The following SCARA5 variants were observed in gnomAD, a reference collection of about 807,000 sequenced individuals.
The protein encoded by SCARA5 is scavenger receptor class A member 5.
SCARA5 carries 45 observed loss-of-function variants against 46.3 expected under a neutral mutation model. The observed-to-expected ratio is 0.97, with a 90% CI of 0.76 to 1.24. SCARA5 has a LOEUF of 1.24. SCARA5 is among the 50% of genes most tolerant of loss of function. The probability of loss-of-function intolerance (pLI) is 0.00; values close to 1 mark genes in which losing one functional copy is unlikely to be tolerated. For synonymous variants in SCARA5, 333 were observed against 306.5 expected (o/e 1.09, Z -0.90); for missense variants, 680 against 689.0 (o/e 0.99, Z 0.15).
At position 27,939,015 on chromosome 8, in the gene SCARA5, T is replaced by C. The variant is rs137876052; in HGVS notation, c.242-16770A>G. On this transcript the variant is annotated intron_variant, in intron 3 of 8. Transcript: ENST00000354914. ...GCCTGATTAACGGTGGAGGGGGCTT[T>C]CATTCATTCAGCACCTACTGATTGT... Among the ~76,000 whole-genome samples, 7 of 152,304 alleles carry C rather than the reference T, an allele frequency of 4.6e-5. No individual in the cohort carries two copies. In the East Asian group the frequency reaches 1.3e-3, roughly 29 times the overall value.
intron 3 of SCARA5, among the ~76,000 whole-genome samples, chr8:27,934,904 T>C (rs1214865423): frequency 6.6e-6 from 1 of 152,246 alleles, no homozygotes; most frequent in Non-Finnish European, 1.5e-5. Context: ...AGGGCCCAGT[T>C]TGGGCCATCT....
intron 3 of SCARA5, among the ~76,000 whole-genome samples, chr8:27,939,883 A>G (rs78176335): frequency 0.026 from 3,921 of 152,214 alleles, 168 homozygotes; most frequent in African/African-American, 0.089. Flanking sequence ...GCCCCAGACT[A>G]TCTGCCTCTT....
chr8:27,960,809 G>GAGAT (rs1808282278), intron 3 of SCARA5, among the ~76,000 whole-genome samples: 1 of 7,250 alleles, frequency 1.4e-4, no homozygotes, highest in African/African-American at 2.4e-4. Context: ...CATGAATTAT[G>GAGAT]AAATAAATGA....
In SCARA5 at chr8:27,907,040, C is replaced by T. The variant is rs181012275; in HGVS notation, c.1096+108G>A. The T allele has an allele frequency of 2.5e-5, 18 of 716,908 alleles. No homozygotes were observed. The Admixed American group carries it at 2.6e-4, about 10-fold the overall frequency. 44.4% of individuals were successfully genotyped at this position (716,908 alleles called of 1,614,324 possible). A position where few individuals can be genotyped will look rare whatever the true frequency, so the allele number is the denominator to read the frequency against. On this transcript the variant is annotated intron_variant, in intron 6 of 8. Coordinates refer to ENST00000354914, the MANE Select transcript of SCARA5 (RefSeq NM_173833.6). ...TGAAGAGACTTGTACAAGGTTGCCC[C>T]GCTGGTCCGTGGCACAGTGAAGATA...
chr8:27,876,285 G>C (rs924962101), intron 8 of SCARA5, among the ~76,000 whole-genome samples: 1 of 152,234 alleles, frequency 6.6e-6, no homozygotes, highest in African/African-American at 2.4e-5. Flanking sequence ...GCAAGTGGCA[G>C]ATCCGGGATT....
At chr8:27,882,196 T>A (rs1253647689) in intron 7 of SCARA5, among the ~76,000 whole-genome samples, 1 of 152,222 alleles carries the variant, frequency 6.6e-6, no homozygotes, top group African/African-American at 2.4e-5. Flanking sequence ...CATGTAAGGT[T>A]GCTTCATGTC....
At chr8:27,904,363 A>C in intron 7 of SCARA5, 1 of 295,586 alleles carries the variant, frequency 3.4e-6, no homozygotes, top group Non-Finnish European at 6.3e-6. Context: ...ACAAACAGGT[A>C]CTGAGTCCTC....
intron 3 of SCARA5, among the ~76,000 whole-genome samples, chr8:27,961,930 T>C (rs1211777901): frequency 6.6e-6 from 1 of 152,186 alleles, no homozygotes; most frequent in Non-Finnish European, 1.5e-5. Flanking sequence ...CATTCACATA[T>C]TAAAAACATC....
chr8:27,953,900 G>A (rs1808169494), intron 3 of SCARA5, among the ~76,000 whole-genome samples: 1 of 152,262 alleles, frequency 6.6e-6, no homozygotes, highest in African/African-American at 2.4e-5. Context: ...GAGCCCAGTG[G>A]GGCTCCAGAA....
chr8:27,978,972 C>T (rs1278336072), intron 2 of SCARA5, among the ~76,000 whole-genome samples: 3 of 152,146 alleles, frequency 2.0e-5, no homozygotes, highest in African/African-American at 7.2e-5. Context: ...TAACACACTC[C>T]CACTCCTCAC....
chr8:27,980,311 C>T (rs1200618541), intron 2 of SCARA5, among the ~76,000 whole-genome samples: 1 of 152,158 alleles, frequency 6.6e-6, no homozygotes, highest in Non-Finnish European at 1.5e-5. Context: ...GGAATAACTG[C>T]CCTGGCCACT....
intron 7 of SCARA5, among the ~76,000 whole-genome samples, chr8:27,902,738 A>T (rs1051472948): frequency 6.6e-6 from 1 of 152,166 alleles, no homozygotes; most frequent in Non-Finnish European, 1.5e-5. Context: ...GAGCAGGGAA[A>T]AACAGCACCC....
chr8:27,973,052 A>G (rs968697751), intron 2 of SCARA5, among the ~76,000 whole-genome samples: 2 of 152,246 alleles, frequency 1.3e-5, no homozygotes, highest in Non-Finnish European at 2.9e-5. Flanking sequence ...GCCAGTGAAC[A>G]GCAAAGCAAA....
chr8:27,965,331 C>T (rs1228243042), intron 3 of SCARA5, among the ~76,000 whole-genome samples: 1 of 152,228 alleles, frequency 6.6e-6, no homozygotes, highest in African/African-American at 2.4e-5. Context: ...AGATTCCTGC[C>T]CTGGGCTTCA....
chr8:27,956,306 A>T (rs1808205448), intron 3 of SCARA5, among the ~76,000 whole-genome samples: 1 of 152,168 alleles, frequency 6.6e-6, no homozygotes, highest in Non-Finnish European at 1.5e-5. Flanking sequence ...AATAATATAT[A>T]TGCATATATA....
chr8:27,987,659 G>A, intron 1 of SCARA5, 29 bp from the exon 2 acceptor site: 2 of 1,309,210 alleles, frequency 1.5e-6, no homozygotes, highest in East Asian at 2.3e-5. Flanking sequence ...GGGAGGAGAG[G>A]GAGGACGAAG....
chr8:27,942,783 C>T (rs780217419), intron 3 of SCARA5, among the ~76,000 whole-genome samples: 2 of 152,170 alleles, frequency 1.3e-5, no homozygotes, highest in Admixed American at 1.3e-4. Flanking sequence ...TTGCTGCTAT[C>T]TCAAAGCATC....
chr8:27,893,523 C>T (rs1807018248), intron 7 of SCARA5, among the ~76,000 whole-genome samples: 1 of 151,232 alleles, frequency 6.6e-6, no homozygotes, highest in Admixed American at 6.6e-5. Context: ...GCCCCTGAAC[C>T]CTGGAGCTGG....
rs2129727863 is a variant in SCARA5 at position 27,898,785 on chromosome 8, G to A, written c.1153+5993C>T. 2.0e-5 allele frequency among the ~76,000 whole-genome samples: 3 copies of A among 152,318 alleles called. No individual in the cohort carries two copies. The South Asian group carries it at 6.2e-4, about 32-fold the overall frequency. On this transcript the variant is annotated intron_variant, in intron 7 of 8. Coordinates refer to ENST00000354914, the MANE Select transcript of SCARA5 (RefSeq NM_173833.6). Reference sequence around the variant, plus strand: ...CAGCCCCACTTGGAAGTGGAGAGGGGCTGCAAAGATTGAATTCAAGTAACA... The same window carrying A: ...CAGCCCCACTTGGAAGTGGAGAGGGACTGCAAAGATTGAATTCAAGTAACA...
Sources: gnomAD v4.1 joint callset for allele counts (sites outside exome capture counted in the v4.1 genomes callset) on GRCh38, gnomAD v4.1.1 for gene constraint, MANE v1.5 for transcripts, NCBI Gene and HGNC (gene_info 2026-07-23, HGNC 2026-07-21) for gene names.